CALN1: variants seen among roughly 807,000 people sequenced by gnomAD.
The protein encoded by CALN1 is calneuron 1.
A neutral mutation model predicts 30.6 loss-of-function variants in CALN1; 17 were observed. The ratio of observed to expected loss-of-function variants is 0.56; its 90% CI spans 0.38 to 0.83. CALN1 has a LOEUF of 0.83. CALN1 is among the 40% of genes least tolerant of loss of function. The pLI is 0.00. For synonymous variants in CALN1, 156 were observed against 131.4 expected, an observed-to-expected ratio of 1.19 and a Z score of -1.28; for missense variants, 291 against 354.9, an observed-to-expected ratio of 0.82 and a Z score of 1.45.
chr7:72,503,267 C>T, the CALN1 span, among the ~76,000 whole-genome samples: 5 of 152,168 alleles, frequency 3.3e-5, no homozygotes, highest in African/African-American at 9.7e-5. Flanking sequence ...TACTTAACTC[C>T]CCTATTTCCA....
intron 1 of CALN1, among the ~76,000 whole-genome samples, chr7:72,442,855 G>T (rs1329180152): frequency 1.3e-5 from 2 of 150,148 alleles, no homozygotes; most frequent in Non-Finnish European, 3.0e-5. Context: ...TGCACTTTAT[G>T]TAGGGTTGCA....
At chr7:72,413,903 C>T (rs573492363), upstream of CALN1, among the ~76,000 whole-genome samples, 3 of 152,036 alleles carry the variant, frequency 2.0e-5, no homozygotes, top group South Asian at 2.1e-4. Flanking sequence ...TACATACACA[C>T]GTACACACCG....
rs1479190420 is a variant in CALN1, at chr7:71,810,447, A to G, written c.547T>C (p.Tyr183His). Residue 183 changes from tyrosine to histidine, a missense_variant, in exon 6 of 7, where the codon TAT becomes CAT. Transcript: ENST00000395275. ...ITLEELKHIL[Y>H]HAFRDHLTMK... ...GTTAGGTGGTCTCGGAAGGCATGAT[A>G]GAGAATGTGCTTCAACTCTTCCAGA... 1 of 1,614,064 alleles carries G rather than the reference A, an allele frequency of 6.2e-7. No homozygotes were observed.
chr7:72,005,253 C>T (rs370193539), intron 5 of CALN1, among the ~76,000 whole-genome samples: 6 of 152,176 alleles, frequency 3.9e-5, no homozygotes, highest in East Asian at 1.9e-4. Context: ...TCCATCAACA[C>T]GTGAGTGGGT....
At chr7:72,278,649 A>G (rs1562830581) in intron 3 of CALN1, 37 bp downstream of exon 3, 6 of 1,592,018 alleles carry the variant, frequency 3.8e-6, no homozygotes, top group Middle Eastern at 1.7e-4. Flanking sequence ...CCTCCCTGGG[A>G]GGGGGGCCAT....
At chr7:72,366,464 C>A (rs1803884055) in intron 2 of CALN1, among the ~76,000 whole-genome samples, 1 of 152,164 alleles carries the variant, frequency 6.6e-6, no homozygotes, top group Non-Finnish European at 1.5e-5. Flanking sequence ...GCATGAGCTA[C>A]AGCGCCTGAT....
At chr7:71,814,240 A>C (rs1323566207) in intron 5 of CALN1, among the ~76,000 whole-genome samples, 1 of 151,922 alleles carries the variant, frequency 6.6e-6, no homozygotes, top group East Asian at 1.9e-4. Flanking sequence ...TCCAGAGGGG[A>C]ATGTTTTTGG....
At position 72,176,485 on chromosome 7, in the gene CALN1, G is replaced by A. The variant is rs115091914; in HGVS notation, c.245-70191C>T. ...TCATGAATGTCTTAGTGCTGGCCTT[G>A]ATAATGAGATCTGGTTATTAAAAAG... is the stretch of plus-strand genomic sequence containing the variant. On this transcript the variant is annotated intron_variant, in intron 3 of 6. Coordinates refer to ENST00000395275, the MANE Select transcript of CALN1 (RefSeq NM_031468.4). Among the ~76,000 whole-genome samples the A allele has an allele frequency of 7.2e-3, 1,099 of 152,138 alleles. 15 individuals carry two copies. Among genetic ancestry groups the A allele is most frequent in the African/African-American group, 0.024 (1,015 of 41,484 alleles).
intron 2 of CALN1, among the ~76,000 whole-genome samples, chr7:72,395,924 G>A (rs1439870979): frequency 6.6e-6 from 1 of 152,042 alleles, no homozygotes; most frequent in African/African-American, 2.4e-5. Context: ...TCTGATTTAG[G>A]AGGTAGGACC....
intron 2 of CALN1, among the ~76,000 whole-genome samples, chr7:72,301,307 A>T (rs1400376976): frequency 6.6e-6 from 1 of 151,862 alleles, no homozygotes; most frequent in Non-Finnish European, 1.5e-5. Context: ...CTAGAAAAAG[A>T]TCCTCTTAAA....
chr7:72,344,104 G>A (rs938822574), intron 2 of CALN1, among the ~76,000 whole-genome samples: 1 of 151,962 alleles, frequency 6.6e-6, no homozygotes, highest in Non-Finnish European at 1.5e-5. Flanking sequence ...GAGTGCAGTG[G>A]CTTGATTTCA....
chr7:72,086,472 T>C (rs1805489931), intron 4 of CALN1, among the ~76,000 whole-genome samples: 1 of 152,168 alleles, frequency 6.6e-6, no homozygotes, highest in Non-Finnish European at 1.5e-5. Context: ...CTTGCTCTGT[T>C]GCCCAGGCTG....
At chr7:72,236,404 A>G (rs553152669) in intron 3 of CALN1, among the ~76,000 whole-genome samples, 2 of 152,336 alleles carry the variant, frequency 1.3e-5, no homozygotes, top group East Asian at 3.9e-4. Context: ...AGAAACCAAT[A>G]AAATGGGATG....
At chr7:72,174,156 T>C (rs1315091516) in intron 3 of CALN1, among the ~76,000 whole-genome samples, 1 of 152,044 alleles carries the variant, frequency 6.6e-6, no homozygotes, top group Non-Finnish European at 1.5e-5. Flanking sequence ...ACATCATTAG[T>C]CATTAGGAAA....
At chr7:72,192,303 C>T (rs149113568) in intron 3 of CALN1, among the ~76,000 whole-genome samples, 3 of 152,314 alleles carry the variant, frequency 2.0e-5, no homozygotes, top group African/African-American at 7.2e-5. Context: ...TCCATCATCA[C>T]GTTTCCTTCT....
chr7:72,287,825 C>G (rs760391497), intron 2 of CALN1, among the ~76,000 whole-genome samples: 1 of 151,964 alleles, frequency 6.6e-6, no homozygotes, highest in African/African-American at 2.4e-5. Context: ...GCAATGAATA[C>G]CCCCATGTGT....
intron 5 of CALN1, among the ~76,000 whole-genome samples, chr7:71,994,891 C>T (rs1166821007): frequency 6.1e-5 from 9 of 148,312 alleles, no homozygotes; most frequent in Admixed American, 3.4e-4. Context: ...CTGGCTCTGT[C>T]CCCCAGGCTG....
intron 5 of CALN1, among the ~76,000 whole-genome samples, chr7:72,013,598 G>C (rs377191662): frequency 6.6e-6 from 1 of 151,928 alleles, no homozygotes; most frequent in African/African-American, 2.4e-5. Flanking sequence ...AGAATAGACC[G>C]TATAGCCTAA....
chr7:71,972,353 A>G (rs1413477196), intron 5 of CALN1, among the ~76,000 whole-genome samples: 1 of 152,178 alleles, frequency 6.6e-6, no homozygotes, highest in Non-Finnish European at 1.5e-5. Flanking sequence ...GTGGGCCAAA[A>G]GACTTCTGGT....
Sources: gnomAD v4.1 joint callset for allele counts (sites outside exome capture counted in the v4.1 genomes callset) on GRCh38, gnomAD v4.1.1 for gene constraint, MANE v1.5 for transcripts, NCBI Gene and HGNC (gene_info 2026-07-23, HGNC 2026-07-21) for gene names.